HS3ST5: variants seen among roughly 807,000 people sequenced by gnomAD.
HS3ST5 encodes the protein heparan sulfate glucosamine 3-O-sulfotransferase 5.
Under a neutral mutation model 25.4 loss-of-function variants are expected in HS3ST5, and 10 were observed. That is an observed-to-expected ratio of 0.39 (90% confidence interval 0.24 to 0.67). HS3ST5 has a LOEUF of 0.67. Ranked by LOEUF, HS3ST5 falls within the 30% of genes least tolerant of loss-of-function variation. The pLI is 0.44. For missense variants in HS3ST5, 324 were observed against 420.7 expected, an observed-to-expected ratio of 0.77 and a Z score of 2.01; for synonymous variants, 170 against 162.4, an observed-to-expected ratio of 1.05 and a Z score of -0.36.
intron 1 of HS3ST5, among the ~76,000 whole-genome samples, chr6:114,255,406 C>A (rs762310050): frequency 1.3e-5 from 2 of 152,144 alleles, no homozygotes; most frequent in African/African-American, 4.8e-5. Flanking sequence ...TGAGTGTCTG[C>A]GGCTTTTCCA....
intron 3 of HS3ST5, among the ~76,000 whole-genome samples, chr6:114,078,269 C>T (rs554589332): frequency 1.2e-4 from 18 of 151,814 alleles, no homozygotes; most frequent in African/African-American, 2.7e-4. Context: ...TACATTGGTG[C>T]GATATCTGCT....
At chr6:114,075,026 A>G (rs913359444) in intron 3 of HS3ST5, among the ~76,000 whole-genome samples, 1 of 152,164 alleles carries the variant, frequency 6.6e-6, no homozygotes, top group Non-Finnish European at 1.5e-5. Context: ...TAAGATAACC[A>G]CCTGTTACCA....
chr6:114,284,164 T>C (rs1774239424), intron 1 of HS3ST5, among the ~76,000 whole-genome samples: 1 of 151,966 alleles, frequency 6.6e-6, no homozygotes, highest in African/African-American at 2.4e-5. Flanking sequence ...TGGCCCACCT[T>C]ATAGGGGAAC....
intron 1 of HS3ST5, among the ~76,000 whole-genome samples, chr6:114,338,324 T>C (rs977961019): frequency 1.3e-5 from 2 of 151,628 alleles, no homozygotes; most frequent in African/African-American, 4.8e-5. Flanking sequence ...TATATATACA[T>C]ACATATACAT....
chr6:114,241,140 T>TG (rs1562249470), intron 1 of HS3ST5, among the ~76,000 whole-genome samples: 1 of 150,820 alleles, frequency 6.6e-6, no homozygotes, highest in East Asian at 1.9e-4. Context: ...CAGTTTTTTT[T>TG]TTTTTTTTTT....
chr6:114,240,268 G>A (rs1772050267), intron 1 of HS3ST5, among the ~76,000 whole-genome samples: 1 of 152,118 alleles, frequency 6.6e-6, no homozygotes, highest in South Asian at 2.1e-4. Flanking sequence ...CTTCATCATG[G>A]CCTCCCTATT....
At chr6:114,088,490 A>C (rs1376942425) in intron 3 of HS3ST5, among the ~76,000 whole-genome samples, 1 of 150,620 alleles carries the variant, frequency 6.6e-6, no homozygotes, top group Non-Finnish European at 1.5e-5. Flanking sequence ...CTCTGATCCC[A>C]CTAATGGAAA....
At chr6:114,193,986 A>G (rs1287065792) in intron 2 of HS3ST5, among the ~76,000 whole-genome samples, 1 of 152,196 alleles carries the variant, frequency 6.6e-6, no homozygotes, top group African/African-American at 2.4e-5. Context: ...AAATGGGCCT[A>G]TAAAAATAAG....
intron 1 of HS3ST5, among the ~76,000 whole-genome samples, chr6:114,316,341 A>G (rs1182164063): frequency 6.6e-6 from 1 of 152,216 alleles, no homozygotes; most frequent in Non-Finnish European, 1.5e-5. Flanking sequence ...CAATAAACCA[A>G]TGATGCAGGA....
intron 3 of HS3ST5, among the ~76,000 whole-genome samples, chr6:114,102,550 A>G (rs1775787724): frequency 6.6e-6 from 1 of 152,204 alleles, no homozygotes; most frequent in African/African-American, 2.4e-5. Flanking sequence ...GATAACTTAA[A>G]GGTAATAAAC....
intron 3 of HS3ST5, among the ~76,000 whole-genome samples, chr6:114,115,305 C>T (rs1034623425): frequency 6.6e-6 from 1 of 151,976 alleles, no homozygotes; most frequent in Non-Finnish European, 1.5e-5. Context: ...GAAACAATGG[C>T]ATTTAGTTGA....
intron 2 of HS3ST5, among the ~76,000 whole-genome samples, chr6:114,210,740 G>A (rs1304845626): frequency 6.6e-6 from 1 of 152,222 alleles, no homozygotes; most frequent in Non-Finnish European, 1.5e-5. Context: ...ATTGGCCTTT[G>A]CCCAATTCAG....
At chr6:114,278,237 C>A (rs538250291) in intron 1 of HS3ST5, among the ~76,000 whole-genome samples, 1 of 152,046 alleles carries the variant, frequency 6.6e-6, no homozygotes, top group South Asian at 2.1e-4. Flanking sequence ...AAATAAATGT[C>A]AAAATCAATA....
At chr6:114,154,544 CA>C (rs1778608224) in intron 3 of HS3ST5, among the ~76,000 whole-genome samples, 1 of 152,156 alleles carries the variant, frequency 6.6e-6, no homozygotes, top group East Asian at 1.9e-4. Flanking sequence ...TGTATCAAAA[CA>C]ATATTCATTG....
intron 2 of HS3ST5, among the ~76,000 whole-genome samples, chr6:114,198,466 C>G (rs1297059977): frequency 6.6e-6 from 1 of 152,124 alleles, no homozygotes; most frequent in Non-Finnish European, 1.5e-5. Context: ...TTCGATCATT[C>G]CCCAGGCACA....
chr6:114,057,642 G>T lies in HS3ST5; in HGVS notation c.656C>A (p.Thr219Lys). 6.2e-7 allele frequency: 1 copy of T among 1,614,142 alleles called. No individual in the cohort carries two copies. The highest frequency in any genetic ancestry group is 8.5e-7 in the Non-Finnish European group (1 of 1,180,030). ...TTTGTATTTTGTGTTCACTTCGCATGTATTAGGGTCTATGGCCAGCTTCTC... is the reference window on the plus strand; with the variant it reads ...TTTGTATTTTGTGTTCACTTCGCATTTATTAGGGTCTATGGCCAGCTTCTC... Reference protein sequence around the residue: ...KFEKLAIDPNTCEVNTKYKAV... With the variant: ...KFEKLAIDPNKCEVNTKYKAV... The change falls in exon 5 of 5, where the codon ACA becomes AAA. Residue 219 changes from threonine (T) to lysine (K), a missense_variant. Physicochemically the swap from Thr to Lys is moderately conservative, Grantham distance 78. Around this residue, in one of 2 missense-constraint regions of HS3ST5, gnomAD observed 203 missense variants for 303.4 expected, o/e 0.67. Transcript: ENST00000312719.
chr6:114,207,195 GTCCC>G (rs1457772444), intron 2 of HS3ST5, among the ~76,000 whole-genome samples: 2 of 151,926 alleles, frequency 1.3e-5, no homozygotes, highest in Non-Finnish European at 2.9e-5. Context: ...TTATTTCTTT[GTCCC>G]TCAGAGTATC....
intron 3 of HS3ST5, among the ~76,000 whole-genome samples, chr6:114,086,524 C>A (rs146155426): frequency 6.6e-6 from 1 of 152,160 alleles, no homozygotes; most frequent in Non-Finnish European, 1.5e-5. Context: ...CATCTCCAGA[C>A]GAGAGCACAA....
intron 1 of HS3ST5, among the ~76,000 whole-genome samples, chr6:114,338,661 T>C (rs986376768): frequency 6.6e-6 from 1 of 152,104 alleles, no homozygotes; most frequent in Non-Finnish European, 1.5e-5. Flanking sequence ...ATTGGTGACT[T>C]TTAAATGAAG....
Sources: gnomAD v4.1 joint callset for allele counts (sites outside exome capture counted in the v4.1 genomes callset) on GRCh38, gnomAD v4.1.1 for gene constraint, gnomAD v4.1.1 regional missense constraint, MANE v1.5 for transcripts, NCBI Gene and HGNC (gene_info 2026-07-23, HGNC 2026-07-21) for gene names.